Variants in NRG2 observed in about 807,000 individuals in gnomAD.
NRG2 encodes neuregulin 2, also known as pro-neuregulin-2, membrane-bound isoform.
In NRG2, 27 loss-of-function variants were observed where a neutral mutation model predicts 73.9. The observed-to-expected ratio is 0.37, with a 90% CI of 0.27 to 0.50. The LOEUF (loss-of-function observed/expected upper bound fraction) is 0.50, where lower values mean the gene tolerates loss of function less well. Among genes scored for constraint, NRG2 ranks in the 20% least tolerant of loss-of-function variants. The pLI, the probability that NRG2 is intolerant of heterozygous loss-of-function variation, is 0.96. For synonymous variants in NRG2, 532 were observed against 541.0 expected, an observed-to-expected ratio of 0.98 and a Z score of 0.23; for missense variants, 1,126 against 1,210.1, an observed-to-expected ratio of 0.93 and a Z score of 1.03.
intron 1 of NRG2, among the ~76,000 whole-genome samples, chr5:139,911,595 G>A (rs1750825924): frequency 6.6e-6 from 1 of 152,222 alleles, no homozygotes; most frequent in Non-Finnish European, 1.5e-5. Context: ...CCCTGCTGCA[G>A]GTGAGTAAGC....
intron 5 of NRG2, among the ~76,000 whole-genome samples, chr5:139,858,250 G>A (rs1009265362): frequency 7.2e-5 from 11 of 152,096 alleles, no homozygotes; most frequent in Non-Finnish European, 1.5e-4. Context: ...TCCATCCACT[G>A]AATAAGGCAA....
chr5:140,018,144 A>G (rs1027045863), intron 1 of NRG2, among the ~76,000 whole-genome samples: 1 of 152,154 alleles, frequency 6.6e-6, no homozygotes, highest in African/African-American at 2.4e-5. Flanking sequence ...CAACCTCTAC[A>G]GGCCCTATCT....
intron 1 of NRG2, among the ~76,000 whole-genome samples, chr5:140,016,962 G>A (rs979617670): frequency 2.6e-5 from 4 of 152,324 alleles, no homozygotes; most frequent in African/African-American, 9.6e-5. Context: ...TGTAATATAT[G>A]CTAAAGAGAT....
chr5:139,866,868 C>A (rs1232039531), intron 4 of NRG2, among the ~76,000 whole-genome samples: 1 of 152,170 alleles, frequency 6.6e-6, no homozygotes, highest in Non-Finnish European at 1.5e-5. Flanking sequence ...CATGCCCAGC[C>A]CTGTACTCTC....
chr5:139,848,841 C>T, intron 9 of NRG2, 144 bp from the exon 10 acceptor site: 1 of 739,728 alleles, frequency 1.4e-6, no homozygotes, highest in South Asian at 2.0e-5. Context: ...ATGACGGCAG[C>T]AACCCTCAGT....
At chr5:139,926,622 A>G (rs1752079844) in intron 1 of NRG2, among the ~76,000 whole-genome samples, 1 of 151,608 alleles carries the variant, frequency 6.6e-6, no homozygotes, top group Non-Finnish European at 1.5e-5. Context: ...AAAACAGTCT[A>G]CCTCTGCTTT....
intron 3 of NRG2, among the ~76,000 whole-genome samples, chr5:139,872,652 G>C (rs938962821): frequency 6.6e-6 from 1 of 152,136 alleles, no homozygotes; most frequent in South Asian, 2.1e-4. Context: ...GAAAGGGAAG[G>C]GGGCAGCTGG....
intron 1 of NRG2, among the ~76,000 whole-genome samples, chr5:140,022,252 C>A (rs1158350921): frequency 6.6e-6 from 1 of 152,168 alleles, no homozygotes; most frequent in African/African-American, 2.4e-5. Flanking sequence ...TACCCACTAC[C>A]AAAATCCAAC....
At chr5:139,990,003 T>G (rs1328714847) in intron 1 of NRG2, among the ~76,000 whole-genome samples, 1 of 151,454 alleles carries the variant, frequency 6.6e-6, no homozygotes, top group Non-Finnish European at 1.5e-5. Context: ...TTAGCCAGGA[T>G]GGTCTTGATC....
chr5:139,938,853 A>G (rs201471707), intron 1 of NRG2, among the ~76,000 whole-genome samples: 5 of 72,060 alleles, frequency 6.9e-5, no homozygotes, highest in African/African-American at 5.2e-4. Context: ...GAAAGGGAAG[A>G]GAGAGAGAGA....
chr5:139,983,400 G>A (rs1273938798), intron 1 of NRG2, among the ~76,000 whole-genome samples: 1 of 152,242 alleles, frequency 6.6e-6, no homozygotes, highest in African/African-American at 2.4e-5. Flanking sequence ...GCAAGGCCCA[G>A]CCTAAAGGGA....
Position 140,042,933 on chromosome 5 carries a change from C to A in NRG2, c.137G>T (p.Ser46Ile). ...GCTGTTGTTGCTGCTGCTCCTGCTG[C>A]TGCTGCCGCTCTCGCTGCTGCTGCT... Reference protein sequence around the residue: ...SSSSSSESGSSSRSSSNNSSI... With the variant: ...SSSSSSESGSISRSSSNNSSI... The change falls in exon 1 of 10, where the codon AGC becomes ATC. Residue 46 changes from serine (S) to isoleucine (I), a missense_variant. This residue lies in a region of NRG2 where 185 missense variants were observed against 149.0 expected (regional missense o/e 1.24). Coordinates refer to ENST00000361474, the MANE Select transcript of NRG2 (RefSeq NM_004883.3). The A allele has an allele frequency of 6.5e-7, 1 of 1,542,094 alleles. No homozygotes were observed. The highest frequency in any genetic ancestry group is 8.7e-7 in the Non-Finnish European group (1 of 1,146,168).
intron 1 of NRG2, among the ~76,000 whole-genome samples, chr5:139,897,366 T>C (rs1323300862): frequency 6.6e-6 from 1 of 152,218 alleles, no homozygotes; most frequent in African/African-American, 2.4e-5. Flanking sequence ...AGAGATAGCT[T>C]AATAACCGGC....
chr5:139,955,546 G>A (rs1414318283), intron 1 of NRG2, among the ~76,000 whole-genome samples: 2 of 152,168 alleles, frequency 1.3e-5, no homozygotes, highest in African/African-American at 4.8e-5. Context: ...GGTAATCATG[G>A]GAGGGGCTGT....
At chr5:140,024,249 T>C (rs1760483845) in intron 1 of NRG2, among the ~76,000 whole-genome samples, 1 of 151,586 alleles carries the variant, frequency 6.6e-6, no homozygotes, top group African/African-American at 2.4e-5. Flanking sequence ...ACTAACAGAG[T>C]AAAACAATTT....
At position 140,017,337 on chromosome 5, in the gene NRG2, A is replaced by G. The variant is rs375902684; in HGVS notation, c.700+25033T>C. The stretch of plus-strand genomic sequence containing the variant: ...TTGTGATATCTATGAGATATCAGGT[A>G]GAGAAGATGAGTTAGAAGGTGAATA... On this transcript the variant is annotated intron_variant, in intron 1 of 9. Coordinates refer to ENST00000361474, the MANE Select transcript of NRG2 (RefSeq NM_004883.3). 2.1e-3 allele frequency among the ~76,000 whole-genome samples: 326 copies of G among 152,274 alleles called. 2 individuals are homozygous for G. The highest frequency in any genetic ancestry group is 7.4e-3 in the African/African-American group (308 of 41,556).
intron 1 of NRG2, among the ~76,000 whole-genome samples, chr5:139,928,871 T>C (rs768436298): frequency 2.6e-5 from 4 of 152,230 alleles, no homozygotes; most frequent in Non-Finnish European, 5.9e-5. Context: ...ATCCTGTCAC[T>C]AGCTGTGCCT....
chr5:139,852,669 C>A lies in NRG2; in HGVS notation c.1417-110G>T. On this transcript the variant is annotated intron_variant, in intron 7 of 9. Transcript: ENST00000361474. This position sits in a 1 kb window ranked among gnomAD's most constrained non-coding sequence, Gnocchi z 4.4. ...TGACTGAGCTCCTGGTTGGGGAGAC[C>A]CACTGTGTGAGAGTGACTTGATGTT... 6.6e-7 allele frequency: 1 copy of A among 1,505,842 alleles called. No homozygotes were observed. Among genetic ancestry groups the A allele is most frequent in the Non-Finnish European group, 9.0e-7 (1 of 1,108,446 alleles). 93.3% of individuals were successfully genotyped at this position (1,505,842 alleles called of 1,614,324 possible).
At chr5:140,010,722 C>G (rs185753126) in intron 1 of NRG2, among the ~76,000 whole-genome samples, 224 of 152,260 alleles carry the variant, frequency 1.5e-3, no homozygotes, top group African/African-American at 5.1e-3. Flanking sequence ...GTGACATATG[C>G]CAGGACTGAG....
Sources: allele counts gnomAD v4.1 joint callset (sites outside exome capture counted in the v4.1 genomes callset), GRCh38; gene constraint gnomAD v4.1.1; regional missense constraint gnomAD v4.1.1; non-coding constraint Gnocchi (gnomAD v3.1); transcripts MANE v1.5; gene names NCBI Gene and HGNC (gene_info 2026-07-23, HGNC 2026-07-21).